HERC1: variants seen among roughly 807,000 people sequenced by gnomAD.
The protein encoded by HERC1 is probable E3 ubiquitin-protein ligase HERC1.
HERC1 carries 160 observed loss-of-function variants against 554.3 expected under a neutral mutation model. That is an observed-to-expected ratio of 0.29 (90% CI 0.25 to 0.33). The LOEUF is 0.33. Ranked by LOEUF, HERC1 falls within the 10% of genes least tolerant of loss-of-function variation. The pLI is 1.00. For missense variants in HERC1, 4,919 were observed against 5,918.5 expected (o/e 0.83, Z 5.54); for synonymous variants, 2,175 against 2,131.7 (o/e 1.02, Z -0.56).
Position 63,694,457 on chromosome 15 carries a change from G to A in HERC1, c.5335C>T (p.Leu1779=). ...DVSLAISTGL[L]NVLSQLCGTD... is the part of the protein sequence containing the mutation. ...CCACACAACTGTGACAATACGTTTA[G>A]CAGACCAGTGGAAATTGCCAAAGAA... The change falls in exon 29 of 78, where the codon CTA becomes TTA. Residue 1779 remains leucine (L), a synonymous_variant. Coordinates refer to ENST00000443617, the MANE Select transcript of HERC1 (RefSeq NM_003922.4). The surrounding 1 kb of genome is among the most constrained non-coding windows in gnomAD (Gnocchi z 4.3). 1.2e-6 allele frequency: 2 copies of A among 1,613,992 alleles called. No individual in the cohort carries two copies. Among genetic ancestry groups the A allele is most frequent in the Non-Finnish European group, 1.7e-6 (2 of 1,179,872 alleles).
chr15:63,765,279 C>T (rs2075738995), intron 2 of HERC1, among the ~76,000 whole-genome samples: 1 of 151,976 alleles, frequency 6.6e-6, no homozygotes. Context: ...GCCTGCTTAC[C>T]CCCTTTAAAT....
chr15:63,788,379 T>G lies in HERC1; in HGVS notation c.-26-12730A>C, dbSNP rs141624946. On this transcript the variant is annotated intron_variant, in intron 1 of 77. Coordinates refer to ENST00000443617, the MANE Select transcript of HERC1 (RefSeq NM_003922.4). ...TACCGAAATAAATCAGTAATGAGATTTAAAGAAACTATAATCACAACAAAA... is the reference window on the plus strand; with the variant it reads ...TACCGAAATAAATCAGTAATGAGATGTAAAGAAACTATAATCACAACAAAA... Among the ~76,000 whole-genome samples, 322 of 152,310 alleles carry G rather than the reference T, an allele frequency of 2.1e-3. 1 individual carries two copies. Among genetic ancestry groups the G allele is most frequent in the African/African-American group, 7.4e-3 (309 of 41,560 alleles).
At position 63,680,342 on chromosome 15, in the gene HERC1, T is replaced by C. The variant is rs1348316054; in HGVS notation, c.6466-182A>G. Among the ~76,000 whole-genome samples the C allele has an allele frequency of 2.6e-5, 4 of 152,212 alleles. No homozygotes were observed. Among genetic ancestry groups the C allele is most frequent in the Non-Finnish European group, 5.9e-5 (4 of 68,034 alleles). ...ATAATAAGTGATCATAATGTGTTCA[T>C]CTGTTTCAAAAATCTTATTGGGGTT... On this transcript the variant is annotated intron_variant, in intron 35 of 77. Transcript: ENST00000443617. This position sits in a 1 kb window ranked among gnomAD's most constrained non-coding sequence, Gnocchi z 5.8.
At chr15:63,795,833 G>A (rs976703168) in intron 1 of HERC1, among the ~76,000 whole-genome samples, 2 of 152,178 alleles carry the variant, frequency 1.3e-5, no homozygotes, top group African/African-American at 4.8e-5. Context: ...TGTCCCGACT[G>A]GCTAGCAACT....
chr15:63,734,792 G>A lies in HERC1; in HGVS notation c.2578C>T (p.Arg860Trp). The change falls in exon 13 of 78, where the codon CGG becomes TGG. Residue 860 changes from arginine (R) to tryptophan (W), a missense_variant. By Grantham distance (101) the Arg-to-Trp change is moderately radical. Coordinates refer to ENST00000443617, the MANE Select transcript of HERC1 (RefSeq NM_003922.4). The surrounding 1 kb of genome is among the most constrained non-coding windows in gnomAD (Gnocchi z 4.6). ...ATMLLPPLRERMELLHSLLPQ... is the reference protein window; with the variant it reads ...ATMLLPPLREWMELLHSLLPQ... ...AAAAGAGAATGAAGTAATTCCATCC[G>A]TTCTCGTAATGGAGGTAACAGCATG... 6.2e-7 allele frequency: 1 copy of A among 1,602,894 alleles called. No homozygotes were observed. Among genetic ancestry groups the A allele is most frequent in the Non-Finnish European group, 8.5e-7 (1 of 1,175,152 alleles).
At chr15:63,645,435 T>C (rs763154971) in intron 56 of HERC1, 48 bp downstream of exon 56, 1 of 1,395,082 alleles carries the variant, frequency 7.2e-7, no homozygotes. Context: ...GATAACAGTC[T>C]ATACCAATAT....
intron 2 of HERC1, among the ~76,000 whole-genome samples, chr15:63,765,626 T>C (rs865925373): frequency 4.6e-5 from 7 of 152,142 alleles, no homozygotes; most frequent in African/African-American, 1.7e-4. Flanking sequence ...CCACTAACTC[T>C]TTCAACGAAC....
intron 37 of HERC1, among the ~76,000 whole-genome samples, chr15:63,676,658 A>G (rs1310887057): frequency 1.3e-5 from 2 of 152,306 alleles, no homozygotes; most frequent in Non-Finnish European, 2.9e-5. Flanking sequence ...CGGAAGACTG[A>G]GGTGGGAGAA....
Position 63,758,372 on chromosome 15 carries a change from A to G in HERC1, c.1027-3T>C, listed in dbSNP as rs2075500334. ...TAATCAGAAGCCATTCTGCAAACCT[A>G]TTAAAAATTTAAAATATGCAACAAA... On this transcript the variant is annotated splice_polypyrimidine_tract_variant and splice_region_variant and intron_variant, in intron 3 of 77. Coordinates refer to ENST00000443617, the MANE Select transcript of HERC1 (RefSeq NM_003922.4). The surrounding 1 kb of genome is among the most constrained non-coding windows in gnomAD (Gnocchi z 4.0). 1 of 1,569,006 alleles carries G rather than the reference A, an allele frequency of 6.4e-7. No individual in the cohort carries two copies. Among genetic ancestry groups the G allele is most frequent in the Admixed American group, 1.7e-5 (1 of 58,350 alleles).
intron 52 of HERC1, among the ~76,000 whole-genome samples, chr15:63,651,872 C>G (rs765844910): frequency 6.6e-6 from 1 of 152,052 alleles, no homozygotes; most frequent in Non-Finnish European, 1.5e-5. Flanking sequence ...CCTGTCTCTA[C>G]TAATAATACA....
At chr15:63,649,214 G>A (rs975072669) in intron 54 of HERC1, among the ~76,000 whole-genome samples, 10 of 152,098 alleles carry the variant, frequency 6.6e-5, no homozygotes, top group South Asian at 2.1e-4. Flanking sequence ...TTAGCTGGGC[G>A]TGGTGGCGAG....
intron 12 of HERC1, among the ~76,000 whole-genome samples, chr15:63,737,350 G>GATAT (rs142536163): frequency 2.2e-5 from 3 of 135,688 alleles, no homozygotes; most frequent in Non-Finnish European, 3.1e-5. Flanking sequence ...AACACTTCCA[G>GATAT]ATATATATAT....
At chr15:63,634,139 A>G (rs2068680833) in intron 66 of HERC1, among the ~76,000 whole-genome samples, 169 bp from the exon 67 acceptor site, 2 of 152,242 alleles carry the variant, frequency 1.3e-5, no homozygotes, top group Non-Finnish European at 1.5e-5. Context: ...TCAACAAGAA[A>G]TAATTCTTAA....
At chr15:63,735,855 A>T (rs1417366386) in intron 12 of HERC1, among the ~76,000 whole-genome samples, 1 of 152,238 alleles carries the variant, frequency 6.6e-6, no homozygotes, top group Non-Finnish European at 1.5e-5. Context: ...ACAGTTAAGA[A>T]CAGGACAAAT....
intron 25 of HERC1, among the ~76,000 whole-genome samples, chr15:63,701,862 T>C (rs1483164510): frequency 6.6e-6 from 1 of 152,138 alleles, no homozygotes; most frequent in Non-Finnish European, 1.5e-5. Flanking sequence ...GTTTGCTCTG[T>C]ACTATCTGAA....
intron 1 of HERC1, among the ~76,000 whole-genome samples, chr15:63,832,083 T>C (rs1596349153): frequency 6.6e-6 from 1 of 152,234 alleles, no homozygotes; most frequent in African/African-American, 2.4e-5. Flanking sequence ...CAATCTATCC[T>C]ATTTTTAAAA....
intron 1 of HERC1, among the ~76,000 whole-genome samples, chr15:63,782,844 G>A (rs1426727215): frequency 1.3e-5 from 2 of 152,156 alleles, no homozygotes; most frequent in East Asian, 1.9e-4. Flanking sequence ...TAACCCCTAC[G>A]GATGACTTTG....
At chr15:63,706,254 A>G (rs1382129739) in intron 25 of HERC1, among the ~76,000 whole-genome samples, 2 of 152,044 alleles carry the variant, frequency 1.3e-5, no homozygotes, top group Admixed American at 6.6e-5. Context: ...TTTTTATGTA[A>G]GAGATATAAT....
chr15:63,640,094 G>A (rs1046956929), intron 61 of HERC1, 58 bp downstream of exon 61: 28 of 1,516,870 alleles, frequency 1.8e-5, no homozygotes, highest in Middle Eastern at 1.8e-4. Context: ...TCTGCTACAT[G>A]CCCAATACCC....
Sources: gnomAD v4.1 joint callset for allele counts (sites outside exome capture counted in the v4.1 genomes callset) on GRCh38, gnomAD v4.1.1 for gene constraint, Gnocchi (gnomAD v3.1) non-coding constraint, MANE v1.5 for transcripts, NCBI Gene and HGNC (gene_info 2026-07-23, HGNC 2026-07-21) for gene names.